EIF2D: variants seen among roughly 807,000 people sequenced by gnomAD.
EIF2D encodes eukaryotic translation initiation factor 2D.
In EIF2D, 56 loss-of-function variants were observed where a neutral mutation model predicts 77.4. That is an observed-to-expected ratio of 0.72 (90% CI 0.58 to 0.90). The LOEUF (loss-of-function observed/expected upper bound fraction) is 0.90, where lower values mean the gene tolerates loss of function less well. Ranked by LOEUF, EIF2D falls within the 40% of genes least tolerant of loss-of-function variation. EIF2D has a pLI of 0.00. For synonymous variants in EIF2D, 230 were observed against 271.0 expected, an observed-to-expected ratio of 0.85 and a Z score of 1.49; for missense variants, 574 against 706.5, an observed-to-expected ratio of 0.81 and a Z score of 2.13.
chr1:206,597,017 T>G (rs1282406484), intron 12 of EIF2D, 83 bp downstream of exon 12: 10 of 1,017,098 alleles, frequency 9.8e-6, no homozygotes, highest in African/African-American at 1.6e-5. Context: ...AAGGCTAAGA[T>G]AGTGACAGTA....
intron 13 of EIF2D, chr1:206,594,072 C>A: frequency 4.0e-6 from 1 of 250,332 alleles, no homozygotes; most frequent in Non-Finnish European, 7.6e-6. Flanking sequence ...TTGGAGAATT[C>A]AAAACATAAA....
rs1033301925 is a variant in EIF2D at position 206,579,005 on chromosome 1, A to G, written c.*254+1687T>C. Among the ~76,000 whole-genome samples the G allele has an allele frequency of 1.3e-5, 2 of 152,162 alleles. No individual in the cohort carries two copies. The highest frequency in any genetic ancestry group is 2.9e-5 in the Non-Finnish European group (2 of 68,014). On this transcript the variant is annotated intron_variant and NMD_transcript_variant, in intron 4 of 5. Coordinates refer to the EIF2D transcript ENST00000472709. This position sits in a 1 kb window ranked among gnomAD's most constrained non-coding sequence, Gnocchi z 4.2. ...TCCTTATTTTGTTAAGAATATTTAA[A>G]TGGAAGCATTAGAGAATCACTCAGG...
downstream of EIF2D, chr1:206,587,960 T>G (rs1669188353): frequency 6.5e-6 from 1 of 152,964 alleles, no homozygotes; most frequent in Admixed American, 6.5e-5. Flanking sequence ...GCCTCCCTCC[T>G]CCCACTGCGA....
intron 2 of EIF2D, among the ~76,000 whole-genome samples, chr1:206,610,761 C>A (rs1670439671): frequency 6.6e-6 from 1 of 152,110 alleles, no homozygotes; most frequent in Non-Finnish European, 1.5e-5. Context: ...GCGGAGCTTG[C>A]AGTGAGCTGA....
Position 206,593,739 on chromosome 1 carries a change from C to T in EIF2D, c.1564G>A (p.Ala522Thr). Reference sequence around the variant, plus strand: ...GCCTGGCATCGCTGCTGAAGGATGGCAGCCACTGAGTATGGGTCCAGACCA... The same window carrying T: ...GCCTGGCATCGCTGCTGAAGGATGGTAGCCACTGAGTATGGGTCCAGACCA... The part of the protein sequence containing the change: ...AYGLDPYSVA[A>T]ILQQRCQAST... The change falls in exon 14 of 15, where the codon GCC (alanine) becomes ACC (threonine). Residue 522 changes from alanine (A) to threonine (T), a missense_variant. Physicochemically the swap from Ala to Thr is moderately conservative, Grantham distance 58. Coordinates refer to ENST00000271764, the MANE Select transcript of EIF2D (RefSeq NM_006893.3). 6.2e-7 allele frequency: 1 copy of T among 1,613,718 alleles called. No individual in the cohort carries two copies. Among genetic ancestry groups the T allele is most frequent in the Non-Finnish European group, 8.5e-7 (1 of 1,179,874 alleles).
At chr1:206,611,110 GAAGA>G in intron 2 of EIF2D, 70 bp downstream of exon 2, 1 of 1,400,554 alleles carries the variant, frequency 7.1e-7, no homozygotes, top group Non-Finnish European at 9.7e-7. Context: ...GGAGACAATG[GAAGA>G]AACAGAGAGA....
intron 4 of EIF2D, among the ~76,000 whole-genome samples, chr1:206,573,026 T>C (rs943922111): frequency 3.3e-5 from 5 of 152,212 alleles, no homozygotes; most frequent in African/African-American, 1.2e-4. Flanking sequence ...ATCATGATCA[T>C]GATGATGATG....
downstream of EIF2D, chr1:206,587,299 A>C (rs1572378694): frequency 2.8e-6 from 1 of 356,074 alleles, no homozygotes; most frequent in Non-Finnish European, 5.4e-6. Flanking sequence ...GGAACCTCAC[A>C]CCAGCCGGCA....
downstream of EIF2D, chr1:206,586,742 G>A (rs566738200): frequency 9.7e-7 from 1 of 1,030,800 alleles, no homozygotes; most frequent in African/African-American, 1.6e-5. Flanking sequence ...GGAAGGGGAA[G>A]GCAGCAGGGT....
At chr1:206,611,123 G>A in intron 2 of EIF2D, 61 bp downstream of exon 2, 18 of 1,462,764 alleles carry the variant, frequency 1.2e-5, no homozygotes, top group Middle Eastern at 1.8e-4. Flanking sequence ...GAAACAGAGA[G>A]AAGCAGATGT....
At chr1:206,600,148 G>T in intron 8 of EIF2D, 115 bp downstream of exon 8, 1 of 1,103,498 alleles carries the variant, frequency 9.1e-7, no homozygotes, top group Non-Finnish European at 1.3e-6. Context: ...GAGTCAAAAA[G>T]CTTAATTCTA....
Position 206,584,084 on chromosome 1 carries a change from T to TA in EIF2D, c.139-2923dup, listed in dbSNP as rs1295771568. Among the ~76,000 whole-genome samples the TA allele has an allele frequency of 1.3e-5, 2 of 152,102 alleles. No individual in the cohort carries two copies. Among genetic ancestry groups the TA allele is most frequent in the African/African-American group, 2.4e-5 (1 of 41,404 alleles). ...AGTGGCTACCCCACACCCTGCCTCT[T>TA]ACAATGGGCACTCACCAAAGGCAAC... On this transcript the variant is annotated intron_variant and NMD_transcript_variant, in intron 2 of 5. Coordinates refer to the EIF2D transcript ENST00000472709. The surrounding 1 kb of genome is among the most constrained non-coding windows in gnomAD (Gnocchi z 4.9).
chr1:206,603,129 C>A lies in EIF2D; in HGVS notation c.606G>T (p.Lys202Asn), dbSNP rs1046377084. Reference sequence around the variant, plus strand: ...GGGTGGAGTCCATCTGGACAGACCCCTTCTCTTCACTGAGATCTGCTGAAT... The same window carrying A: ...GGGTGGAGTCCATCTGGACAGACCCATTCTCTTCACTGAGATCTGCTGAAT... ...ALDSADLSEE[K>N]GSVQMDSTLQ... Residue 202 changes from lysine (K) to asparagine (N), a missense_variant, in exon 6 of 15, where the codon AAG becomes AAT. Transcript: ENST00000271764. 2 of 1,614,180 alleles carry A rather than the reference C, an allele frequency of 1.2e-6. No homozygotes were observed. Among genetic ancestry groups the A allele is most frequent in the African/African-American group, 1.3e-5 (1 of 75,040 alleles).
chr1:206,599,149 G>A lies in EIF2D; in HGVS notation c.1203-57C>T, dbSNP rs144066189. On this transcript the variant is annotated intron_variant, in intron 10 of 14. Coordinates refer to ENST00000271764, the MANE Select transcript of EIF2D (RefSeq NM_006893.3). The surrounding 1 kb of genome is among the most constrained non-coding windows in gnomAD (Gnocchi z 4.1). ...TCATGCTGTGCCATGAGACAAAAAT[G>A]CAGATGCCCAGACTCACTCCCTGCT... 109 of 1,529,094 alleles carry A rather than the reference G, an allele frequency of 7.1e-5. No individual in the cohort carries two copies. In the African/African-American group the frequency reaches 1.3e-3, roughly 19 times the overall value. 94.7% of individuals were successfully genotyped at this position (1,529,094 alleles called of 1,614,324 possible).
At chr1:206,574,602 C>G (rs922732244) in intron 4 of EIF2D, among the ~76,000 whole-genome samples, 8 of 152,180 alleles carry the variant, frequency 5.3e-5, no homozygotes, top group African/African-American at 1.9e-4. Context: ...CATGATAAAG[C>G]CCCTTCCCTG....
At chr1:206,587,216 C>T (rs1669153548), downstream of EIF2D, 1 of 491,502 alleles carries the variant, frequency 2.0e-6, no homozygotes, top group South Asian at 2.0e-5. Context: ...TCATGTGAAA[C>T]AAACAGCTGA....
At chr1:206,590,913 C>T (rs1010153254), downstream of EIF2D, among the ~76,000 whole-genome samples, 2 of 152,172 alleles carry the variant, frequency 1.3e-5, no homozygotes, top group Admixed American at 6.5e-5. Context: ...GAAATGATTC[C>T]ATAAACTGAG....
chr1:206,573,520 G>A (rs1373932632), intron 4 of EIF2D, among the ~76,000 whole-genome samples: 7 of 152,194 alleles, frequency 4.6e-5, no homozygotes, highest in African/African-American at 1.7e-4. Flanking sequence ...GAAATCCAAG[G>A]CTCACTACTG....
At chr1:206,586,104 G>C (rs1669100299) in intron 2 of EIF2D, 1 of 152,308 alleles carries the variant, frequency 6.6e-6, no homozygotes, top group Admixed American at 6.5e-5. Flanking sequence ...CTGTGATTGT[G>C]ATTACGCCAC....
Sources: gnomAD v4.1 joint callset for allele counts (sites outside exome capture counted in the v4.1 genomes callset) on GRCh38, gnomAD v4.1.1 for gene constraint, Gnocchi (gnomAD v3.1) non-coding constraint, MANE v1.5 for transcripts, NCBI Gene and HGNC (gene_info 2026-07-23, HGNC 2026-07-21) for gene names.